SMOC2: variants seen among roughly 807,000 people sequenced by gnomAD.
SMOC2 encodes the protein SPARC related modular calcium binding 2.
SMOC2 carries 39 observed loss-of-function variants against 61.4 expected under a neutral mutation model. That is an observed-to-expected ratio of 0.64 (90% CI 0.49 to 0.83). The LOEUF (loss-of-function observed/expected upper bound fraction) is 0.83, where lower values mean the gene tolerates loss of function less well. Among genes scored for constraint, SMOC2 ranks in the 40% least tolerant of loss-of-function variants. The pLI is 0.00. For synonymous variants in SMOC2, 247 were observed against 239.9 expected (o/e 1.03, Z -0.27); for missense variants, 556 against 592.9 (o/e 0.94, Z 0.65).
At chr6:168,614,641 A>ATACTTACAGCCGG in intron 9 of SMOC2, among the ~76,000 whole-genome samples, 1 of 118,524 alleles carries the variant, frequency 8.4e-6, no homozygotes, top group African/African-American at 3.3e-5. Flanking sequence ...GGGCCTCTTC[A>ATACTTACAGCCGG]CACCTACAGC....
chr6:168,574,475 G>A (rs914124527), intron 7 of SMOC2, among the ~76,000 whole-genome samples: 2 of 152,236 alleles, frequency 1.3e-5, no homozygotes, highest in African/African-American at 2.4e-5. Context: ...CCTTCCCGCC[G>A]GGCCTTGGGG....
chr6:168,510,702 T>G (rs1782986273), intron 2 of SMOC2, among the ~76,000 whole-genome samples: 1 of 152,192 alleles, frequency 6.6e-6, no homozygotes, highest in Non-Finnish European at 1.5e-5. Context: ...GGCAGTTAGC[T>G]TCAGCAATCC....
intron 1 of SMOC2, among the ~76,000 whole-genome samples, chr6:168,446,872 CAGAG>C (rs1199645866): frequency 6.6e-6 from 1 of 152,150 alleles, no homozygotes; most frequent in Admixed American, 6.5e-5. Flanking sequence ...TTTTTCAACA[CAGAG>C]AGTCTCAGAA....
intron 1 of SMOC2, among the ~76,000 whole-genome samples, chr6:168,467,593 C>T (rs1159862046): frequency 6.6e-6 from 1 of 152,116 alleles, no homozygotes; most frequent in Non-Finnish European, 1.5e-5. Flanking sequence ...CAGGCATGAG[C>T]CACCGCTTCT....
chr6:168,643,406 C>G (rs1332698271), intron 9 of SMOC2, among the ~76,000 whole-genome samples: 1 of 152,188 alleles, frequency 6.6e-6, no homozygotes, highest in Non-Finnish European at 1.5e-5. Flanking sequence ...CCTTCCTGCC[C>G]CACTCGACAC....
chr6:168,664,465 G>C (rs1232159698), intron 12 of SMOC2: 2 of 408,858 alleles, frequency 4.9e-6, no homozygotes, highest in East Asian at 1.4e-4. Context: ...GAACTCACAG[G>C]CTCAAGCAAT....
intron 1 of SMOC2, among the ~76,000 whole-genome samples, chr6:168,467,136 AACACACACACACACACAC>A (rs10536582): frequency 6.4e-4 from 85 of 133,432 alleles, no homozygotes; most frequent in African/African-American, 1.4e-3. Context: ...AGTGCTCTCA[AACACACACACACACACAC>A]ACACACACAC....
intron 9 of SMOC2, among the ~76,000 whole-genome samples, chr6:168,617,313 T>C (rs1786120535): frequency 6.6e-6 from 1 of 152,080 alleles, no homozygotes. Flanking sequence ...TGCTGGGCGC[T>C]TTTTCTGTTT....
Position 168,652,943 on chromosome 6 carries a change from G to A in SMOC2, c.1011-11G>A. 1 of 1,611,670 alleles carries A rather than the reference G, an allele frequency of 6.2e-7. No individual in the cohort carries two copies. Among genetic ancestry groups the A allele is most frequent in the South Asian group, 1.1e-5 (1 of 90,904 alleles). On this transcript the variant is annotated splice_polypyrimidine_tract_variant and intron_variant, in intron 10 of 12. Coordinates refer to ENST00000356284, the MANE Select transcript of SMOC2 (RefSeq NM_001166412.2). ...GTTTAAGCATCCTGACGGCATCTGT[G>A]TTCCTTCCAGGCTCTCAGAACCCGA...
chr6:168,500,231 G>A (rs1283478659), intron 1 of SMOC2, among the ~76,000 whole-genome samples: 3 of 147,746 alleles, frequency 2.0e-5, no homozygotes, highest in Non-Finnish European at 4.4e-5. Context: ...AGGTTGCAGC[G>A]AGCCCAGATC....
chr6:168,620,474 C>T (rs1786215247), intron 9 of SMOC2, among the ~76,000 whole-genome samples: 1 of 152,136 alleles, frequency 6.6e-6, no homozygotes, highest in South Asian at 2.1e-4. Context: ...GATGAATGCT[C>T]TTGAACAAGA....
rs192233886 is a variant in SMOC2 at position 168,576,637 on chromosome 6, C to A, written c.638-22181C>A. Among the ~76,000 whole-genome samples the A allele has an allele frequency of 3.6e-4, 55 of 152,142 alleles. 1 individual carries two copies. In the East Asian group the frequency reaches 7.4e-3, roughly 20 times the overall value. On this transcript the variant is annotated intron_variant, in intron 7 of 12. Transcript: ENST00000356284. Reference sequence around the variant, plus strand: ...ACCGGCGGGCCTCGCTCCATGGAACCCCCAACCACAAGGAGCTCTAAGTGC... The same window carrying A: ...ACCGGCGGGCCTCGCTCCATGGAACACCCAACCACAAGGAGCTCTAAGTGC...
intron 1 of SMOC2, among the ~76,000 whole-genome samples, chr6:168,481,088 G>C (rs796248093): frequency 3.2e-4 from 48 of 152,226 alleles, no homozygotes; most frequent in African/African-American, 1.1e-3. Context: ...ATGCTAAAGG[G>C]AGTCCTGTGA....
rs62422519 is a variant in SMOC2, at chr6:168,606,211, G to A, written c.825-1946G>A. Among the ~76,000 whole-genome samples, 401 of 152,304 alleles carry A rather than the reference G, an allele frequency of 2.6e-3. 1 individual carries two copies. Among genetic ancestry groups the A allele is most frequent in the Admixed American group, 4.9e-3 (75 of 15,302 alleles). On this transcript the variant is annotated intron_variant, in intron 8 of 12. Transcript: ENST00000356284. ...CAGCTGCATTAGGAGACACCTGGCT[G>A]GGTAACAGGTCCTTTACTGAGTTCG...
At chr6:168,622,044 C>A (rs1479776360) in intron 9 of SMOC2, among the ~76,000 whole-genome samples, 1 of 152,072 alleles carries the variant, frequency 6.6e-6, no homozygotes, top group Non-Finnish European at 1.5e-5. Context: ...CGGCTCACTG[C>A]AAGCTCCGCC....
chr6:168,601,359 A>C (rs1046733557), intron 8 of SMOC2, among the ~76,000 whole-genome samples: 1 of 152,222 alleles, frequency 6.6e-6, no homozygotes, highest in African/African-American at 2.4e-5. Flanking sequence ...CACCCCACTC[A>C]GCCGACACTG....
chr6:168,641,483 CGTT>C (rs1229460549), intron 9 of SMOC2, among the ~76,000 whole-genome samples: 1 of 152,182 alleles, frequency 6.6e-6, no homozygotes, highest in Non-Finnish European at 1.5e-5. Flanking sequence ...AATGACATAA[CGTT>C]GTCCTTGAGA....
rs1276202318 is a variant in SMOC2, at chr6:168,621,628, G to A, written c.907+13389G>A. Among the ~76,000 whole-genome samples the A allele has an allele frequency of 5.3e-5, 8 of 152,264 alleles. No individual in the cohort carries two copies. In the East Asian group the frequency reaches 1.2e-3, roughly 22 times the overall value. On this transcript the variant is annotated intron_variant, in intron 9 of 12. Coordinates refer to ENST00000356284, the MANE Select transcript of SMOC2 (RefSeq NM_001166412.2). Reference sequence around the variant, plus strand: ...GAGGCCTCAGGAAACTTACAATCATGGCAGAAGGGAAAGCAAACATGTCCT... The same window carrying A: ...GAGGCCTCAGGAAACTTACAATCATAGCAGAAGGGAAAGCAAACATGTCCT...
chr6:168,481,958 A>C (rs558391928), intron 1 of SMOC2, among the ~76,000 whole-genome samples: 1 of 151,868 alleles, frequency 6.6e-6, no homozygotes, highest in African/African-American at 2.4e-5. Context: ...TAAGAAAAAA[A>C]CCTAACTTTA....
Sources: allele counts gnomAD v4.1 joint callset (sites outside exome capture counted in the v4.1 genomes callset), GRCh38; gene constraint gnomAD v4.1.1; transcripts MANE v1.5; gene names NCBI Gene and HGNC (gene_info 2026-07-23, HGNC 2026-07-21).